RUVBL1: variants seen among roughly 807,000 people sequenced by gnomAD.
RUVBL1 encodes RuvB like AAA ATPase 1.
Under a neutral mutation model 52.4 loss-of-function variants are expected in RUVBL1, and 4 were observed. The ratio of observed to expected loss-of-function variants is 0.08; its 90% CI spans 0.04 to 0.17. The LOEUF is 0.17. RUVBL1 is among the 10% of genes least tolerant of loss of function. The pLI is 1.00. For synonymous variants in RUVBL1, 217 were observed against 214.4 expected (o/e 1.01, Z -0.10); for missense variants, 298 against 572.8 (o/e 0.52, Z 4.90).
intron 2 of RUVBL1, among the ~76,000 whole-genome samples, chr3:128,114,393 T>A (rs539303817): frequency 6.6e-6 from 1 of 152,320 alleles, no homozygotes; most frequent in South Asian, 2.1e-4. Context: ...TAGCACAGTA[T>A]AAAATGCACT....
At chr3:128,130,762 T>C (rs1207874574) in intron 1 of RUVBL1, among the ~76,000 whole-genome samples, 1 of 151,950 alleles carries the variant, frequency 6.6e-6, no homozygotes, top group African/African-American at 2.4e-5. Context: ...GCCATTCTCC[T>C]GCCTCAGCCT....
In RUVBL1 at chr3:128,081,156, G is replaced by C. The variant is rs940321350; in HGVS notation, c.*94C>G. ...GCGCTGCAGACCACGCCTGAGTGGG[G>C]ACGGCAGCCCCAAGCCCAGGGGCAA... On this transcript the variant is annotated 3_prime_UTR_variant, in exon 11 of 11. Transcript: ENST00000322623. This position sits in a 1 kb window ranked among gnomAD's most constrained non-coding sequence, Gnocchi z 4.8. 3.7e-6 allele frequency: 5 copies of C among 1,337,254 alleles called. No individual in the cohort carries two copies. Among genetic ancestry groups the C allele is most frequent in the Non-Finnish European group, 5.2e-6 (5 of 962,410 alleles). The allele number at this position is 1,337,254 out of a possible 1,614,324, so 82.8% of individuals were successfully genotyped here.
intron 1 of RUVBL1, among the ~76,000 whole-genome samples, chr3:128,150,823 CTATATATTATATATTCTA>C (rs1462254276): frequency 2.7e-4 from 20 of 73,930 alleles, no homozygotes; most frequent in African/African-American, 1.1e-3. Flanking sequence ...ATTATATATT[CTATATATTATATATTCTA>C]TATATATTCT....
intron 9 of RUVBL1, 48 bp downstream of exon 9, chr3:128,087,658 C>T: frequency 6.7e-7 from 1 of 1,483,830 alleles, no homozygotes; most frequent in Admixed American, 1.7e-5. Flanking sequence ...CCAGTGAACA[C>T]TGGGAGCAAA....
Position 128,082,982 on chromosome 3 carries a change from C to CGAGAT in RUVBL1, c.1120-409_1120-408insATCTC. 1.2e-5 allele frequency: 2 copies of CGAGAT among 161,096 alleles called. No homozygotes were observed. The highest frequency in any genetic ancestry group is 3.5e-4 in the South Asian group (2 of 5,712). The allele number at this position is 161,096 out of a possible 1,614,324, so 10.0% of individuals were successfully genotyped here. A position where few individuals can be genotyped will look rare whatever the true frequency, so the allele number is the denominator to read the frequency against. On this transcript the variant is annotated intron_variant, in intron 9 of 10. Coordinates refer to ENST00000322623, the MANE Select transcript of RUVBL1 (RefSeq NM_003707.3). This position sits in a 1 kb window ranked among gnomAD's most constrained non-coding sequence, Gnocchi z 4.7. ...TTCCTCTCCAGCATGGGCACTACTG[C>CGAGAT]CTACAAGCACTCAGGCAAGAAGGGA...
At chr3:128,075,772 T>C (rs940489248) in intron 9 of RUVBL1, 1 of 152,288 alleles carries the variant, frequency 6.6e-6, no homozygotes, top group African/African-American at 2.4e-5. Context: ...GGGCGCTGTG[T>C]CCTCGCAAGC....
At chr3:128,139,488 T>C (rs1485302729) in intron 1 of RUVBL1, among the ~76,000 whole-genome samples, 3 of 152,092 alleles carry the variant, frequency 2.0e-5, no homozygotes, top group African/African-American at 7.2e-5. Context: ...AAATCAAAAG[T>C]ACAATGGGTA....
At chr3:128,124,215 C>T (rs1290665076), upstream of RUVBL1, among the ~76,000 whole-genome samples, 5 of 152,102 alleles carry the variant, frequency 3.3e-5, no homozygotes, top group African/African-American at 1.2e-4. Flanking sequence ...TGTTTTCTGA[C>T]TCCCATACCT....
At chr3:128,079,760 G>A (rs925638637), downstream of RUVBL1, among the ~76,000 whole-genome samples, 7 of 152,164 alleles carry the variant, frequency 4.6e-5, no homozygotes, top group South Asian at 4.1e-4. Context: ...CATCATCTCC[G>A]CCCCCTCCCA....
rs377517878 is a variant in RUVBL1, at chr3:128,067,957, A to T, written c.940-2737T>A. 2 of 1,606,808 alleles carry T rather than the reference A, an allele frequency of 1.2e-6. No individual in the cohort carries two copies. The highest frequency in any genetic ancestry group is 2.7e-5 in the African/African-American group (2 of 74,626). On this transcript the variant is annotated intron_variant, in intron 9 of 9. Transcript: ENST00000464873. This position sits in a 1 kb window ranked among gnomAD's most constrained non-coding sequence, Gnocchi z 4.1. ...ATTTCCCCTTCAGCCTCCAATTCCA[A>T]CTTCTCCCCTGTGGGCACCCTGCAG...
In RUVBL1 at chr3:128,082,221, C is replaced by G; in HGVS notation, c.1211+262G>C. ...GTGCATCTTCTCTGCCACAAGAAGGCCCAGGGTCAAAGCACTCTCCACCAG... is the reference window on the plus strand; with the variant it reads ...GTGCATCTTCTCTGCCACAAGAAGGGCCAGGGTCAAAGCACTCTCCACCAG... On this transcript the variant is annotated intron_variant, in intron 10 of 10. Coordinates refer to ENST00000322623, the MANE Select transcript of RUVBL1 (RefSeq NM_003707.3). This position sits in a 1 kb window ranked among gnomAD's most constrained non-coding sequence, Gnocchi z 4.7. The G allele has an allele frequency of 2.2e-6, 1 of 444,682 alleles. No homozygotes were observed. Among genetic ancestry groups the G allele is most frequent in the South Asian group, 2.5e-5 (1 of 40,126 alleles). The allele number at this position is 444,682 out of a possible 1,614,324, so 27.5% of individuals were successfully genotyped here.
At position 128,105,111 on chromosome 3, in the gene RUVBL1, CTT is replaced by C. The variant is rs34719630; in HGVS notation, c.362-189_362-188del. 6.9e-3 allele frequency among the ~76,000 whole-genome samples: 928 copies of C among 133,952 alleles called. 6 individuals carry two copies. Among genetic ancestry groups the C allele is most frequent in the African/African-American group, 0.022 (784 of 35,412 alleles). 87.9% of individuals were successfully genotyped at this position (133,952 alleles called of 152,430 possible). ...ATTAGAGGCACTATTAGAAATGCAACTTTTTTTTTTTTTTTTTTTGAGATAGA... is the reference window on the plus strand; with the variant it reads ...ATTAGAGGCACTATTAGAAATGCAACTTTTTTTTTTTTTTTTTGAGATAGA... On this transcript the variant is annotated intron_variant, in intron 3 of 10. Transcript: ENST00000322623.
exon 1 of RUVBL1, chr3:128,153,403 C>T: frequency 1.4e-6 from 2 of 1,415,568 alleles, no homozygotes; most frequent in Non-Finnish European, 1.8e-6. Context: ...AACGGGTGTG[C>T]ACAGCGCGCC....
chr3:128,116,468 G>A (rs368373869), intron 2 of RUVBL1, among the ~76,000 whole-genome samples: 8 of 151,428 alleles, frequency 5.3e-5, no homozygotes, highest in African/African-American at 1.9e-4. Flanking sequence ...GGCAGAGATT[G>A]CAGTGAGCCA....
At chr3:128,122,608 G>A (rs907262038) in intron 1 of RUVBL1, among the ~76,000 whole-genome samples, 6 of 152,198 alleles carry the variant, frequency 3.9e-5, no homozygotes, top group African/African-American at 1.4e-4. Flanking sequence ...ATGGAAACCT[G>A]AGGCTTTTCT....
At chr3:128,101,012 T>C (rs1018970941) in intron 5 of RUVBL1, among the ~76,000 whole-genome samples, 11 of 152,200 alleles carry the variant, frequency 7.2e-5, no homozygotes, top group African/African-American at 2.7e-4. Context: ...CAATTCCTGA[T>C]AAAGGCCAAA....
At chr3:128,072,250 C>T (rs1214661231) in intron 9 of RUVBL1, among the ~76,000 whole-genome samples, 1 of 152,120 alleles carries the variant, frequency 6.6e-6, no homozygotes, top group African/African-American at 2.4e-5. Flanking sequence ...CTCCCCAGTC[C>T]TGGACAGGGC....
chr3:128,103,686 G>C (rs1943159429), intron 4 of RUVBL1, among the ~76,000 whole-genome samples: 1 of 152,212 alleles, frequency 6.6e-6, no homozygotes, highest in African/African-American at 2.4e-5. Context: ...CAGAGGGTCA[G>C]CTCTGCCACA....
At chr3:128,098,977 C>T (rs372497599) in intron 6 of RUVBL1, 32 bp from the exon 7 acceptor site, 2 of 1,583,410 alleles carry the variant, frequency 1.3e-6, no homozygotes, top group African/African-American at 2.7e-5. Context: ...GTCAGTGCTG[C>T]TTTCTAAGGT....
Sources: allele counts gnomAD v4.1 joint callset (sites outside exome capture counted in the v4.1 genomes callset), GRCh38; gene constraint gnomAD v4.1.1; non-coding constraint Gnocchi (gnomAD v3.1); transcripts MANE v1.5; gene names NCBI Gene and HGNC (gene_info 2026-07-23, HGNC 2026-07-21).